The following WIZ variants were observed in gnomAD, a reference collection of about 807,000 sequenced individuals.
WIZ encodes protein Wiz.
WIZ carries 25 observed loss-of-function variants against 140.2 expected under a neutral mutation model. The observed-to-expected ratio is 0.18, with a 90% CI of 0.13 to 0.25. WIZ has a LOEUF of 0.25. WIZ is among the 10% of genes least tolerant of loss of function. WIZ has a pLI of 1.00. For missense variants in WIZ, 2,231 were observed against 2,632.6 expected (o/e 0.85, Z 3.34); for synonymous variants, 1,125 against 1,154.3 (o/e 0.97, Z 0.51).
Position 15,423,084 on chromosome 19 carries a change from C to T in WIZ, c.5662G>A (p.Ala1888Thr). ...TCTGGAATGCTTTTGTGTTAGGGAG[C>T]CTCTGCCGCCGCTGTCTGTGCCTGC... ...APQAQTAAAEAP is the reference protein window; with the variant it reads ...APQAQTAAAETP Residue 1888 changes from alanine (A) to threonine (T), a missense_variant, in exon 13 of 13, where the codon GCT (alanine) becomes ACT (threonine). This residue lies in a region of WIZ where 299 missense variants were observed against 309.6 expected (regional missense o/e 0.97). Transcript: ENST00000673675. 1 of 1,611,162 alleles carries T rather than the reference C, an allele frequency of 6.2e-7. No homozygotes were observed. The highest frequency in any genetic ancestry group is 8.5e-7 in the Non-Finnish European group (1 of 1,179,354).
intron 9 of WIZ, 113 bp downstream of exon 9, chr19:15,426,869 C>T: frequency 3.1e-6 from 4 of 1,293,206 alleles, no homozygotes; most frequent in Admixed American, 2.3e-5. Context: ...GTCCTCTCTA[C>T]CTGCGTGTCC....
intron 4 of WIZ, among the ~76,000 whole-genome samples, chr19:15,437,814 G>A (rs1320770053): frequency 6.6e-6 from 1 of 152,178 alleles, no homozygotes; most frequent in Non-Finnish European, 1.5e-5. Context: ...TGGACAAATG[G>A]ATGTAATGCC....
chr19:15,444,999 G>T (rs1282765475), intron 2 of WIZ, among the ~76,000 whole-genome samples: 2 of 152,224 alleles, frequency 1.3e-5, no homozygotes, highest in Non-Finnish European at 2.9e-5. Flanking sequence ...TGACTTTGGA[G>T]GAAGCAGGCC....
Position 15,425,335 on chromosome 19 carries a change from G to A in WIZ, c.4800C>T (p.Asp1600=), listed in dbSNP as rs1329115192. The change falls in exon 10 of 13, where the codon GAC becomes GAT. Residue 1600 remains aspartate, a synonymous_variant. Transcript: ENST00000673675. ...CCTTGACCTCTGCTGGGAGGAGGCG[G>A]TCCTCCTGCAGGGGCCGCTTGGCTG... ...SVAAKRPLQE[D]RLLPAEVKAK... 4 of 1,567,260 alleles carry A rather than the reference G, an allele frequency of 2.6e-6. No individual in the cohort carries two copies. The highest frequency in any genetic ancestry group is 3.5e-6 in the Non-Finnish European group (4 of 1,156,484).
rs1300909569 is a variant in WIZ, at chr19:15,440,781, T to G, written c.279-66A>C. On this transcript the variant is annotated intron_variant, in intron 3 of 12. Transcript: ENST00000673675. The surrounding 1 kb of genome is among the most constrained non-coding windows in gnomAD (Gnocchi z 6.2). ...GCAGTTTTCCTTCCTAGGGTGGTGA[T>G]GGGGGTCCTCCCAGGCCGTTTGAAG... is the stretch of plus-strand genomic sequence containing the variant. The G allele has an allele frequency of 2.3e-6, 3 of 1,318,404 alleles. No individual in the cohort carries two copies. Among genetic ancestry groups the G allele is most frequent in the Non-Finnish European group, 2.9e-6 (3 of 1,022,316 alleles). The allele number at this position is 1,318,404 out of a possible 1,614,324, so 81.7% of individuals were successfully genotyped here.
intron 7 of WIZ, 85 bp downstream of exon 7, chr19:15,429,501 G>T: frequency 8.5e-7 from 1 of 1,175,022 alleles, no homozygotes; most frequent in Non-Finnish European, 1.1e-6. Flanking sequence ...CCCACCCTGG[G>T]CCCTGTCCCT....
At chr19:15,426,790 A>G (rs2145235523) in intron 9 of WIZ, among the ~76,000 whole-genome samples, 192 bp downstream of exon 9, 1 of 152,332 alleles carries the variant, frequency 6.6e-6, no homozygotes. Flanking sequence ...TTCTCAAATG[A>G]ATAAAGGACA....
rs1969793313 is a variant in WIZ, at chr19:15,442,886, C to A, written c.206-138G>T. The A allele has an allele frequency of 2.0e-5, 9 of 440,130 alleles. No individual in the cohort carries two copies. The Admixed American group carries it at 3.5e-4, about 17-fold the overall frequency. 27.3% of individuals were successfully genotyped at this position (440,130 alleles called of 1,614,324 possible). A position where few individuals can be genotyped will look rare whatever the true frequency, so the allele number is the denominator to read the frequency against. On this transcript the variant is annotated intron_variant, in intron 2 of 12. Transcript: ENST00000673675. The surrounding 1 kb of genome is among the most constrained non-coding windows in gnomAD (Gnocchi z 5.5). ...GTTCCTCTCCCTGAGAGGCCCGTGGCCTCTGTGGTCCTGAGCCCTGAAAGG... is the reference window on the plus strand; with the variant it reads ...GTTCCTCTCCCTGAGAGGCCCGTGGACTCTGTGGTCCTGAGCCCTGAAAGG...
intron 5 of WIZ, among the ~76,000 whole-genome samples, chr19:15,433,652 C>T (rs1969401679): frequency 6.6e-6 from 1 of 152,228 alleles, no homozygotes; most frequent in African/African-American, 2.4e-5. Context: ...CACCCCTAGC[C>T]ATCCTCAGAG....
intron 6 of WIZ, 124 bp from the exon 7 acceptor site, chr19:15,430,213 C>T: frequency 7.5e-7 from 1 of 1,342,034 alleles, no homozygotes; most frequent in Non-Finnish European, 9.8e-7. Context: ...TCCGTCAGGC[C>T]CCCCAAACCT....
intron 2 of WIZ, among the ~76,000 whole-genome samples, chr19:15,447,894 G>T (rs531666058): frequency 6.6e-6 from 1 of 152,284 alleles, no homozygotes; most frequent in South Asian, 2.1e-4. Context: ...ACCACCCAGT[G>T]GGGAGCCTTG....
At position 15,448,500 on chromosome 19, in the gene WIZ, A is replaced by G. The variant is rs889886882; in HGVS notation, c.-60-133T>C. 8 of 687,560 alleles carry G rather than the reference A, an allele frequency of 1.2e-5. No individual in the cohort carries two copies. The South Asian group carries it at 1.5e-4, about 12-fold the overall frequency. The allele number at this position is 687,560 out of a possible 1,614,324, so 42.6% of individuals were successfully genotyped here. On this transcript the variant is annotated intron_variant, in intron 1 of 12. Coordinates refer to ENST00000673675, the MANE Select transcript of WIZ (RefSeq NM_001371589.1). The stretch of plus-strand genomic sequence containing the variant: ...TTTACCTCCCAGCCCAGGGGAGCTA[A>G]TGGTGTTCAGACCTTTTCCACACAC...
rs1405626554 is a variant in WIZ at position 15,440,109 on chromosome 19, C to T, written c.885G>A (p.Glu295=). 6.5e-7 allele frequency: 1 copy of T among 1,534,240 alleles called. No homozygotes were observed. Among genetic ancestry groups the T allele is most frequent in the African/African-American group, 1.4e-5 (1 of 73,012 alleles). Residue 295 remains glutamate, a synonymous_variant, in exon 4 of 13, where the codon GAG becomes GAA. Transcript: ENST00000673675. This position sits in a 1 kb window ranked among gnomAD's most constrained non-coding sequence, Gnocchi z 6.2. ...GGCTGGCCACCCCTTCGGCCACCTC[C>T]TCCAGCAGCTCACACAGGTAGGGCC... ...RTGPYLCELL[E]EVAEGVASPD... is the part of the protein sequence containing the mutation.
At chr19:15,425,178 G>A (rs1968662114) in intron 10 of WIZ, 63 bp downstream of exon 10, 2 of 1,545,936 alleles carry the variant, frequency 1.3e-6, no homozygotes, top group Admixed American at 3.9e-5. Flanking sequence ...CACGCTTGTG[G>A]CATTGCCTGG....
At chr19:15,446,199 A>C (rs1969913891) in intron 2 of WIZ, among the ~76,000 whole-genome samples, 2 of 151,988 alleles carry the variant, frequency 1.3e-5, no homozygotes, top group Admixed American at 6.6e-5. Context: ...CACGTATGAG[A>C]CCCTGGGTGA....
At chr19:15,431,784 T>C (rs1325859683) in intron 5 of WIZ, among the ~76,000 whole-genome samples, 1 of 152,106 alleles carries the variant, frequency 6.6e-6, no homozygotes, top group Non-Finnish European at 1.5e-5. Context: ...ACAGAAAGAG[T>C]TGGAATCACA....
At chr19:15,431,220 T>G in intron 5 of WIZ, 38 bp from the exon 6 acceptor site, 2 of 1,478,668 alleles carry the variant, frequency 1.4e-6, no homozygotes, top group Non-Finnish European at 1.8e-6. Context: ...CAGACAAATT[T>G]CAGGCTGTCT....
At position 15,444,081 on chromosome 19, in the gene WIZ, C is replaced by T. The variant is rs934847270; in HGVS notation, c.206-1333G>A. Among the ~76,000 whole-genome samples, 4 of 152,208 alleles carry T rather than the reference C, an allele frequency of 2.6e-5. No homozygotes were observed. In the East Asian group the frequency reaches 5.8e-4, roughly 22 times the overall value. On this transcript the variant is annotated intron_variant, in intron 2 of 12. Coordinates refer to ENST00000673675, the MANE Select transcript of WIZ (RefSeq NM_001371589.1). The stretch of plus-strand genomic sequence containing the variant: ...GGCCAAGGTTAACACACTGGGGGAA[C>T]TTGTGCCCCGTCCAGAGCCCGACAG...
chr19:15,425,276 T>C lies in WIZ; in HGVS notation c.4859A>G (p.Lys1620Arg), dbSNP rs2145211672. Residue 1620 changes from lysine to arginine, a missense_variant, in exon 10 of 13, where the codon AAG becomes AGG. Lys to Arg is a conservative substitution (Grantham distance 26, BLOSUM62 2). Around this residue, in one of 15 missense-constraint regions of WIZ, gnomAD observed 393 missense variants for 451.7 expected, o/e 0.87. Transcript: ENST00000673675. ...GGTCTTCTCATGAAGGGTCTTTGCCTTGAAGGGCAGTTCAGTCTGGATGTA... is the reference window on the plus strand; with the variant it reads ...GGTCTTCTCATGAAGGGTCTTTGCCCTGAAGGGCAGTTCAGTCTGGATGTA... The part of the protein sequence containing the change: ...KTYIQTELPF[K>R]AKTLHEKTSH... The C allele has an allele frequency of 6.3e-7, 1 of 1,591,890 alleles. No individual in the cohort carries two copies. The highest frequency in any genetic ancestry group is 1.3e-5 in the African/African-American group (1 of 74,566).
Sources: allele counts gnomAD v4.1 joint callset (sites outside exome capture counted in the v4.1 genomes callset), GRCh38; gene constraint gnomAD v4.1.1; regional missense constraint gnomAD v4.1.1; non-coding constraint Gnocchi (gnomAD v3.1); transcripts MANE v1.5; gene names NCBI Gene and HGNC (gene_info 2026-07-23, HGNC 2026-07-21).